MAP4K3: variants seen among roughly 807,000 people sequenced by gnomAD.
MAP4K3 encodes the protein MAPK/ERK kinase kinase kinase 3.
MAP4K3 carries 94 observed loss-of-function variants against 143.5 expected under a neutral mutation model. The observed-to-expected ratio is 0.65, with a 90% CI of 0.55 to 0.78. The LOEUF is 0.78. Ranked by LOEUF, MAP4K3 falls within the 30% of genes least tolerant of loss-of-function variation. The pLI is 0.00. For missense variants in MAP4K3, 1,077 were observed against 1,068.1 expected, an observed-to-expected ratio of 1.01 and a Z score of -0.12; for synonymous variants, 416 against 347.2, an observed-to-expected ratio of 1.20 and a Z score of -2.20.
intron 1 of MAP4K3, among the ~76,000 whole-genome samples, chr2:39,416,005 A>ATATATATATATAT (rs57578495): frequency 2.2e-5 from 2 of 91,576 alleles, no homozygotes; most frequent in African/African-American, 5.4e-5. Flanking sequence ...ATATATATAT[A>ATATATATATATAT]AAAATAACAT....
At chr2:39,309,593 T>G in intron 13 of MAP4K3, 74 bp from the exon 14 acceptor site, 1 of 858,732 alleles carries the variant, frequency 1.2e-6, no homozygotes, top group Non-Finnish European at 1.7e-6. Flanking sequence ...AGTCTTGCTC[T>G]GTCTCCCACG....
intron 1 of MAP4K3, among the ~76,000 whole-genome samples, chr2:39,418,909 C>T (rs926792542): frequency 2.0e-5 from 3 of 151,964 alleles, no homozygotes; most frequent in African/African-American, 7.3e-5. Context: ...CAGAAAGAGG[C>T]ATTAGAGAAA....
intron 21 of MAP4K3, 41 bp downstream of exon 21, chr2:39,286,811 G>T (rs755259297): frequency 7.5e-7 from 1 of 1,325,872 alleles, no homozygotes; most frequent in African/African-American, 1.5e-5. Flanking sequence ...CAGTTAAAAA[G>T]GAAACAAATA....
intron 4 of MAP4K3, among the ~76,000 whole-genome samples, chr2:39,341,387 G>A (rs1013545556): frequency 6.6e-6 from 1 of 152,112 alleles, no homozygotes; most frequent in African/African-American, 2.4e-5. Context: ...GGCCGGGCGT[G>A]GTAGCTCATG....
chr2:39,340,070 G>C (rs1300037532), intron 4 of MAP4K3, among the ~76,000 whole-genome samples: 1 of 152,132 alleles, frequency 6.6e-6, no homozygotes, highest in East Asian at 1.9e-4. Context: ...TCTACTGTTA[G>C]TTCTTCAAAG....
chr2:39,336,898 A>C (rs1375569866), intron 6 of MAP4K3, 22 bp downstream of exon 6: 1 of 1,014,222 alleles, frequency 9.9e-7, no homozygotes, highest in Admixed American at 2.8e-5. Context: ...GAGGGTTATT[A>C]TGTTAAAAAT....
chr2:39,341,949 T>C (rs1389150810), intron 4 of MAP4K3, among the ~76,000 whole-genome samples: 1 of 151,898 alleles, frequency 6.6e-6, no homozygotes, highest in Non-Finnish European at 1.5e-5. Context: ...AAGTAACTTT[T>C]CATAAAGCAG....
chr2:39,351,628 T>C (rs565757865), intron 3 of MAP4K3, among the ~76,000 whole-genome samples: 5 of 152,334 alleles, frequency 3.3e-5, no homozygotes, highest in African/African-American at 1.2e-4. Context: ...TGAGGTAAAG[T>C]ATGCTCATCT....
intron 1 of MAP4K3, among the ~76,000 whole-genome samples, chr2:39,418,635 C>T (rs374740571): frequency 2.0e-5 from 3 of 151,754 alleles, no homozygotes; most frequent in Admixed American, 6.6e-5. Context: ...TTAACACTGC[C>T]GGTGATCAAA....
At chr2:39,278,246 T>C (rs1170373996) in intron 24 of MAP4K3, among the ~76,000 whole-genome samples, 161 bp downstream of exon 24, 1 of 151,862 alleles carries the variant, frequency 6.6e-6, no homozygotes, top group African/African-American at 2.4e-5. Flanking sequence ...CACTGCAGCC[T>C]GGGCAACAAG....
intron 1 of MAP4K3, among the ~76,000 whole-genome samples, chr2:39,407,573 TG>T (rs925917593): frequency 2.6e-5 from 4 of 152,194 alleles, no homozygotes; most frequent in Admixed American, 6.5e-5. Context: ...ATTTTTGTTT[TG>T]TTTTTTATAG....
chr2:39,309,824 C>T (rs898594184), intron 13 of MAP4K3, among the ~76,000 whole-genome samples: 1 of 151,956 alleles, frequency 6.6e-6, no homozygotes, highest in African/African-American at 2.4e-5. Context: ...TCCCAAAGTG[C>T]TGAGATTACA....
In MAP4K3 at chr2:39,380,084, C is replaced by T. The variant is rs112091956; in HGVS notation, c.97-1961G>A. ...AAATCAGTCTAGAATTTCCTAAAGG[C>T]TAACAGTTTTTAAATTACAGTTTTT... On this transcript the variant is annotated intron_variant, in intron 1 of 33. Transcript: ENST00000263881. Among the ~76,000 whole-genome samples, 199 of 152,008 alleles carry T rather than the reference C, an allele frequency of 1.3e-3. 3 individuals carry two copies. Among genetic ancestry groups the T allele is most frequent in the African/African-American group, 4.7e-3 (193 of 41,494 alleles).
rs1683486465 is a variant in MAP4K3 at position 39,326,239 on chromosome 2, C to A, written c.569G>T (p.Gly190Val). The change falls in exon 9 of 34, where the codon GGT becomes GTT. Residue 190 changes from glycine to valine, a missense_variant. Physicochemically the swap from Gly to Val is moderately radical, Grantham distance 109. This residue lies in a region of MAP4K3 where 213 missense variants were observed against 266.8 expected (regional missense o/e 0.80). Transcript: ENST00000263881. The part of the protein sequence containing the change: ...PEVAAVERKG[G>V]YNQLCDLWAV... ...CCAGAGATCACAGAGTTGATTGTAACCCCCCTTCCTCTCAACAGCTGCAAC... is the reference window on the plus strand; with the variant it reads ...CCAGAGATCACAGAGTTGATTGTAAACCCCCTTCCTCTCAACAGCTGCAAC... 6.2e-7 allele frequency: 1 copy of A among 1,613,424 alleles called. No homozygotes were observed. The highest frequency in any genetic ancestry group is 8.5e-7 in the Non-Finnish European group (1 of 1,179,610).
At chr2:39,402,118 C>A (rs1405137162) in intron 1 of MAP4K3, among the ~76,000 whole-genome samples, 1 of 151,762 alleles carries the variant, frequency 6.6e-6, no homozygotes, top group East Asian at 1.9e-4. Flanking sequence ...ACGAAAAAAA[C>A]CCAAATCATA....
rs750334429 is a variant in MAP4K3 at position 39,260,783 on chromosome 2, G to A, written c.2137-6C>T. 2.2e-5 allele frequency: 35 copies of A among 1,592,758 alleles called. No homozygotes were observed. The highest frequency in any genetic ancestry group is 3.5e-5 in the Admixed American group (2 of 57,780). On this transcript the variant is annotated splice_region_variant and splice_polypyrimidine_tract_variant and intron_variant, in intron 28 of 33. Coordinates refer to ENST00000263881, the MANE Select transcript of MAP4K3 (RefSeq NM_003618.4). ...GGTATAGGAAAATCTATGTGCTAGA[G>A]AAAGAAACAAAAATACATTAAACCA...
chr2:39,343,420 C>T lies in MAP4K3; in HGVS notation c.278G>A (p.Cys93Tyr), dbSNP rs754172900. ...AATATCCTGTAAAGAACCACCTCCA[C>T]AAAACTCCATGCAAATCCAAAGCTT... is the stretch of plus-strand genomic sequence containing the variant. ...RDKLWICMEF[C>Y]GGGSLQDIYH... is the part of the protein sequence containing the mutation. Residue 93 changes from cysteine to tyrosine, a missense_variant, in exon 4 of 34, where the codon TGT becomes TAT. Cys to Tyr is a radical substitution (Grantham distance 194). Around this residue, in one of 2 missense-constraint regions of MAP4K3, gnomAD observed 213 missense variants for 266.8 expected, o/e 0.80. Transcript: ENST00000263881. 1 of 1,613,156 alleles carries T rather than the reference C, an allele frequency of 6.2e-7. No homozygotes were observed. The highest frequency in any genetic ancestry group is 2.2e-5 in the East Asian group (1 of 44,752).
rs3815594 is a variant in MAP4K3, at chr2:39,326,130, A to C, written c.662+16T>G. ...AAAACCTTAAGCGTAAGATTCTTCAATGATGATGCACTGACCTCATTGGGT... is the reference window on the plus strand; with the variant it reads ...AAAACCTTAAGCGTAAGATTCTTCACTGATGATGCACTGACCTCATTGGGT... On this transcript the variant is annotated intron_variant, in intron 9 of 33. Coordinates refer to ENST00000263881, the MANE Select transcript of MAP4K3 (RefSeq NM_003618.4). 2.5e-6 allele frequency: 4 copies of C among 1,605,462 alleles called. No individual in the cohort carries two copies. The African/African-American group carries it at 5.4e-5, about 22-fold the overall frequency.
At chr2:39,292,109 C>T (rs1197299561) in intron 18 of MAP4K3, among the ~76,000 whole-genome samples, 1 of 151,244 alleles carries the variant, frequency 6.6e-6, no homozygotes, top group Non-Finnish European at 1.5e-5. Flanking sequence ...TATATATTTA[C>T]ATCCAAAGTA....
Sources: allele counts gnomAD v4.1 joint callset (sites outside exome capture counted in the v4.1 genomes callset), GRCh38; gene constraint gnomAD v4.1.1; regional missense constraint gnomAD v4.1.1; transcripts MANE v1.5; gene names NCBI Gene and HGNC (gene_info 2026-07-23, HGNC 2026-07-21).